PLB1: variants seen among roughly 807,000 people sequenced by gnomAD.
PLB1 encodes the protein phospholipase B1, membrane-associated.
PLB1 carries 242 observed loss-of-function variants against 227.4 expected under a neutral mutation model. That is an observed-to-expected ratio of 1.06 (90% CI 0.96 to 1.18). The LOEUF (loss-of-function observed/expected upper bound fraction) is 1.18, where lower values mean the gene tolerates loss of function less well. PLB1 is among the 50% of genes most tolerant of loss of function. The pLI is 0.00. For synonymous variants in PLB1, 757 were observed against 682.2 expected, an observed-to-expected ratio of 1.11 and a Z score of -1.71; for missense variants, 1,858 against 1,816.3, an observed-to-expected ratio of 1.02 and a Z score of -0.42.
intron 1 of PLB1, among the ~76,000 whole-genome samples, chr2:28,500,769 A>AAGAAG (rs1438350453): frequency 6.6e-6 from 1 of 152,204 alleles, no homozygotes; most frequent in Non-Finnish European, 1.5e-5. Flanking sequence ...AAGAAAAGAA[A>AAGAAG]AGAAATTCAC....
intron 56 of PLB1, among the ~76,000 whole-genome samples, chr2:28,639,217 A>G (rs1255226342): frequency 6.6e-6 from 1 of 152,166 alleles, no homozygotes; most frequent in Non-Finnish European, 1.5e-5. Flanking sequence ...GTGTGGAGGT[A>G]GATGGGAAAT....
intron 8 of PLB1, 147 bp downstream of exon 8, chr2:28,529,926 T>C (rs1164487586): frequency 3.2e-6 from 2 of 634,862 alleles, no homozygotes; most frequent in Non-Finnish European, 5.5e-6. Context: ...TCTCTGCCAT[T>C]CTCTGGCGGT....
Position 28,643,136 on chromosome 2 carries a change from C to A in PLB1, c.*75C>A. On this transcript the variant is annotated 3_prime_UTR_variant, in exon 58 of 58. Transcript: ENST00000327757. ...CGCCCTCTGCCCCAGCCACTCCCGG[C>A]CACCAGGACATGCTTCAATGCCTGG... 1.5e-6 allele frequency: 2 copies of A among 1,374,832 alleles called. No individual in the cohort carries two copies. The highest frequency in any genetic ancestry group is 1.9e-6 in the Non-Finnish European group (2 of 1,025,848). The allele number at this position is 1,374,832 out of a possible 1,614,324, so 85.2% of individuals were successfully genotyped here. A position where few individuals can be genotyped will look rare whatever the true frequency, so the allele number is the denominator to read the frequency against.
rs574290361 is a variant in PLB1 at position 28,607,972 on chromosome 2, C to T, written c.3129+1405C>T. On this transcript the variant is annotated intron_variant, in intron 43 of 57. Coordinates refer to ENST00000327757, the MANE Select transcript of PLB1 (RefSeq NM_153021.5). The stretch of plus-strand genomic sequence containing the variant: ...GCCTAAGCACTGGGTCAGGGAGAGC[C>T]CTGTCACCCTGGGCTTCGAGGCAAC... Among the ~76,000 whole-genome samples, 5 of 152,220 alleles carry T rather than the reference C, an allele frequency of 3.3e-5. No individual in the cohort carries two copies. The South Asian group carries it at 8.3e-4, about 25-fold the overall frequency.
intron 37 of PLB1, 48 bp downstream of exon 37, chr2:28,601,380 A>G (rs1683855813): frequency 4.6e-6 from 7 of 1,533,552 alleles, no homozygotes; most frequent in Non-Finnish European, 6.3e-6. Flanking sequence ...AACTTTGCCC[A>G]GTAGGCGTTG....
intron 49 of PLB1, among the ~76,000 whole-genome samples, chr2:28,621,911 CAGG>C (rs1687108037): frequency 6.6e-6 from 1 of 152,088 alleles, no homozygotes; most frequent in African/African-American, 2.4e-5. Context: ...CTTCATTTTC[CAGG>C]AGGTGATTTC....
At chr2:28,572,032 A>T (rs1048375218) in intron 20 of PLB1, among the ~76,000 whole-genome samples, 2 of 152,254 alleles carry the variant, frequency 1.3e-5, no homozygotes, top group African/African-American at 4.8e-5. Context: ...CTAATAAGAA[A>T]CTTACGTCTA....
chr2:28,636,033 G>GTGTGTGTATGTA (rs1553467803), intron 56 of PLB1, among the ~76,000 whole-genome samples: 67 of 149,808 alleles, frequency 4.5e-4, no homozygotes, highest in Non-Finnish European at 6.4e-4. Flanking sequence ...GTGTGTATGT[G>GTGTGTGTATGTA]TGTGTGTGTA....
chr2:28,573,231 C>G lies in PLB1; in HGVS notation c.1359C>G (p.Gly453=). ...ILREFNPSLK[G]FSVGTGKETS... is the part of the protein sequence containing the mutation. Reference sequence around the variant, plus strand: ...GGGAATTCAACCCTTCCCTGAAGGGCTTCTCTGTTGGCACTGGGAAAGAAA... The same window carrying G: ...GGGAATTCAACCCTTCCCTGAAGGGGTTCTCTGTTGGCACTGGGAAAGAAA... The change falls in exon 21 of 58, where the codon GGC becomes GGG. Residue 453 remains glycine, a synonymous_variant. Transcript: ENST00000327757. 1.2e-6 allele frequency: 2 copies of G among 1,614,136 alleles called. No individual in the cohort carries two copies. Among genetic ancestry groups the G allele is most frequent in the Non-Finnish European group, 1.7e-6 (2 of 1,179,992 alleles).
chr2:28,547,665 G>A (rs1673506175), intron 14 of PLB1, among the ~76,000 whole-genome samples: 1 of 152,132 alleles, frequency 6.6e-6, no homozygotes, highest in Non-Finnish European at 1.5e-5. Flanking sequence ...CATTGGAAGG[G>A]GAGGTGAGGG....
chr2:28,598,719 G>A lies in PLB1; in HGVS notation c.2433G>A (p.Thr811=), dbSNP rs776905340. 80 of 1,614,088 alleles carry A rather than the reference G, an allele frequency of 5.0e-5. No homozygotes were observed. The highest frequency in any genetic ancestry group is 4.9e-4 in the Middle Eastern group (3 of 6,084). ...YAVGTGDAND[T]NAFLNQAVPG... Reference sequence around the variant, plus strand: ...TGGGCACGGGTGATGCCAATGACACGAATGCATTCCTCAATCAAGCTGTTC... The same window carrying A: ...TGGGCACGGGTGATGCCAATGACACAAATGCATTCCTCAATCAAGCTGTTC... Residue 811 remains threonine, a synonymous_variant, in exon 35 of 58, where the codon ACG becomes ACA. Transcript: ENST00000327757.
At chr2:28,516,544 TATA>T (rs1416380376) in intron 1 of PLB1, among the ~76,000 whole-genome samples, 1 of 152,246 alleles carries the variant, frequency 6.6e-6, no homozygotes, top group African/African-American at 2.4e-5. Context: ...TTGTGCATGA[TATA>T]ATGTTATTGC....
intron 26 of PLB1, 81 bp from the exon 27 acceptor site, chr2:28,589,369 T>C (rs1372700067): frequency 1.3e-5 from 14 of 1,038,192 alleles, no homozygotes. Context: ...TGTTTAATTC[T>C]GTGTTGGAGA....
chr2:28,538,516 C>T (rs1672020197), intron 10 of PLB1, 135 bp downstream of exon 10: 1 of 731,798 alleles, frequency 1.4e-6, no homozygotes, highest in Non-Finnish European at 2.2e-6. Flanking sequence ...TTAGAGCACC[C>T]CATCTTCTCA....
At chr2:28,638,827 GAAAAA>G (rs35972276) in intron 56 of PLB1, among the ~76,000 whole-genome samples, 8 of 63,618 alleles carry the variant, frequency 1.3e-4, no homozygotes, top group African/African-American at 4.5e-4. Context: ...GCTGGAGATT[GAAAAA>G]AAAAAAAAAA....
chr2:28,588,352 A>C (rs1558843065), intron 26 of PLB1, among the ~76,000 whole-genome samples: 3 of 152,184 alleles, frequency 2.0e-5, no homozygotes, highest in African/African-American at 7.2e-5. Context: ...TCACCCTGCT[A>C]GTTCACAGCA....
chr2:28,512,842 C>T (rs1194279208), intron 1 of PLB1, among the ~76,000 whole-genome samples: 2 of 152,118 alleles, frequency 1.3e-5, no homozygotes, highest in Non-Finnish European at 2.9e-5. Context: ...GGAATGAGCA[C>T]GAAGTTGTAG....
intron 1 of PLB1, 120 bp downstream of exon 1, chr2:28,496,289 T>C (rs1251195749): frequency 4.9e-6 from 5 of 1,024,070 alleles, no homozygotes; most frequent in Non-Finnish European, 7.2e-6. Context: ...GCACAAAGCG[T>C]ACAGTTCAAG....
At chr2:28,598,113 A>G in intron 34 of PLB1, 65 bp downstream of exon 34, 1 of 1,396,854 alleles carries the variant, frequency 7.2e-7, no homozygotes, top group Non-Finnish European at 9.9e-7. Flanking sequence ...TGGCTTCCCG[A>G]AAGTGCCTCC....
Sources: allele counts gnomAD v4.1 joint callset (sites outside exome capture counted in the v4.1 genomes callset), GRCh38; gene constraint gnomAD v4.1.1; transcripts MANE v1.5; gene names NCBI Gene and HGNC (gene_info 2026-07-23, HGNC 2026-07-21).